Variants in CYP46A1 observed in about 807,000 individuals in gnomAD.
The protein encoded by CYP46A1 is cholesterol 24-hydroxylase.
A neutral mutation model predicts 63.3 loss-of-function variants in CYP46A1; 20 were observed. That is an observed-to-expected ratio of 0.32 (90% CI 0.22 to 0.46). The LOEUF (loss-of-function observed/expected upper bound fraction) is 0.46. CYP46A1 is among the 20% of genes least tolerant of loss of function. The pLI is 1.00. For missense variants in CYP46A1, 445 were observed against 670.8 expected, an observed-to-expected ratio of 0.66 and a Z score of 3.72; for synonymous variants, 268 against 273.6, an observed-to-expected ratio of 0.98 and a Z score of 0.20.
At position 99,687,893 on chromosome 14, in the gene CYP46A1, T is replaced by C. The variant is rs547167060; in HGVS notation, c.120-3188T>C. On this transcript the variant is annotated intron_variant, in intron 1 of 14. Coordinates refer to ENST00000261835, the MANE Select transcript of CYP46A1 (RefSeq NM_006668.2). ...AACAAGTCCCCATGTCTGGCCATGG[T>C]GTTAGCCTTACCTGCTTGTTTTTAA... 4.6e-5 allele frequency among the ~76,000 whole-genome samples: 7 copies of C among 152,210 alleles called. No individual in the cohort carries two copies. In the South Asian group the frequency reaches 1.4e-3, roughly 32 times the overall value.
chr14:99,687,860 C>CA lies in CYP46A1; in HGVS notation c.120-3221_120-3220insA, dbSNP rs1566824674. Among the ~76,000 whole-genome samples, 24 of 152,272 alleles carry CA rather than the reference C, an allele frequency of 1.6e-4. No individual in the cohort carries two copies. The East Asian group carries it at 3.9e-3, about 24-fold the overall frequency. On this transcript the variant is annotated intron_variant, in intron 1 of 14. Coordinates refer to ENST00000261835, the MANE Select transcript of CYP46A1 (RefSeq NM_006668.2). ...CCAAGTGGGCTTCTGCCTGCCGGGGCGCTGAGCAACAAGTCCCCATGTCTG... is the reference window on the plus strand; with the variant it reads ...CCAAGTGGGCTTCTGCCTGCCGGGGCAGCTGAGCAACAAGTCCCCATGTCTG...
At chr14:99,705,202 C>T (rs191324573) in intron 5 of CYP46A1, among the ~76,000 whole-genome samples, 6 of 152,284 alleles carry the variant, frequency 3.9e-5, no homozygotes, top group Admixed American at 6.5e-5. Flanking sequence ...AGTTTTTCTT[C>T]TCCCATTCTC....
At chr14:99,716,106 GCTGGGAA>G in intron 8 of CYP46A1, 24 bp from the exon 9 acceptor site, 1 of 1,614,040 alleles carries the variant, frequency 6.2e-7, no homozygotes, top group Non-Finnish European at 8.5e-7. Context: ...GCAAAGATTT[GCTGGGAA>G]CTGAGACTCT....
At chr14:99,690,987 T>C in intron 1 of CYP46A1, 94 bp from the exon 2 acceptor site, 2 of 1,205,604 alleles carry the variant, frequency 1.7e-6, no homozygotes, top group East Asian at 4.7e-5. Flanking sequence ...GGTCCTCCTG[T>C]CTGTGAAGTG....
chr14:99,720,482 C>T (rs1174609631), intron 10 of CYP46A1, among the ~76,000 whole-genome samples: 2 of 117,320 alleles, frequency 1.7e-5, no homozygotes, highest in African/African-American at 6.5e-5. Flanking sequence ...TTTTTTGAGA[C>T]GGAGTCTCGC....
chr14:99,694,371 C>CT (rs74872295), intron 3 of CYP46A1, among the ~76,000 whole-genome samples: 4,341 of 86,262 alleles, frequency 0.05, 217 homozygotes, highest in African/African-American at 0.16. Flanking sequence ...TTTGGGTTTT[C>CT]TTTTTTTTTT....
chr14:99,716,036 C>G (rs1478352449), intron 8 of CYP46A1, 76 bp downstream of exon 8: 1 of 1,607,694 alleles, frequency 6.2e-7, no homozygotes, highest in Non-Finnish European at 8.5e-7. Flanking sequence ...TCGCCACTGA[C>G]TCTGTTTGGC....
intron 2 of CYP46A1, 154 bp downstream of exon 2, chr14:99,691,315 G>A: frequency 1.4e-6 from 1 of 701,786 alleles, no homozygotes; most frequent in Non-Finnish European, 2.5e-6. Context: ...AGGCAGGTGA[G>A]GCTGGCTTGG....
At chr14:99,707,743 C>A (rs1368695319) in intron 7 of CYP46A1, 65 bp downstream of exon 7, 13 of 1,414,480 alleles carry the variant, frequency 9.2e-6, no homozygotes, top group Non-Finnish European at 1.3e-5. Context: ...TGCTGAAGAA[C>A]CTCCTTCAGT....
chr14:99,716,008 C>A, intron 8 of CYP46A1, 48 bp downstream of exon 8: 1 of 1,599,058 alleles, frequency 6.3e-7, no homozygotes, highest in Non-Finnish European at 8.5e-7. Context: ...TGGGCCAGGA[C>A]GTTCCCCAGG....
intron 7 of CYP46A1, chr14:99,709,671 C>T (rs1215628346): frequency 6.6e-6 from 1 of 152,048 alleles, no homozygotes; most frequent in African/African-American, 2.4e-5. Context: ...TATAGACATC[C>T]AGGTACAGGA....
Position 99,726,254 on chromosome 14 carries a change from C to G in CYP46A1, c.1330C>G (p.Gln444Glu), listed in dbSNP as rs1251116334. ...CTCCTGCATCGGGCAGCAGTTTGCT[C>G]AGGTAGGAGGGGCAGGGCTGTGGTT... Reference protein sequence around the residue: ...HRSCIGQQFAQMEVKVVMAKL... With the variant: ...HRSCIGQQFAEMEVKVVMAKL... Residue 444 changes from glutamine (Q) to glutamate (E), a missense_variant and splice_region_variant, in exon 14 of 15, where the codon CAG becomes GAG. By Grantham distance (29) the Gln-to-Glu change is conservative (BLOSUM62 2). Coordinates refer to ENST00000261835, the MANE Select transcript of CYP46A1 (RefSeq NM_006668.2). The G allele has an allele frequency of 6.2e-7, 1 of 1,613,460 alleles. No individual in the cohort carries two copies. The highest frequency in any genetic ancestry group is 1.7e-5 in the Admixed American group (1 of 60,006).
chr14:99,685,099 C>T (rs1458913593), intron 1 of CYP46A1, among the ~76,000 whole-genome samples: 934 of 4,896 alleles, frequency 0.19, 56 homozygotes, highest in Admixed American at 0.27. Context: ...CCCCCCCCCA[C>T]CCCCAGCTTA....
At chr14:99,686,924 C>A (rs2056499298) in intron 1 of CYP46A1, among the ~76,000 whole-genome samples, 1 of 152,170 alleles carries the variant, frequency 6.6e-6, no homozygotes, top group African/African-American at 2.4e-5. Flanking sequence ...TAGCAGAAAC[C>A]CGATGCCTTG....
intron 1 of CYP46A1, 34 bp downstream of exon 1, chr14:99,684,570 T>G (rs1243508248): frequency 2.8e-6 from 4 of 1,419,384 alleles, no homozygotes; most frequent in Non-Finnish European, 3.7e-6. Context: ...CTGGCTGGGG[T>G]GCTGGGACTG....
At chr14:99,688,809 CG>C (rs1208323196) in intron 1 of CYP46A1, among the ~76,000 whole-genome samples, 1 of 152,092 alleles carries the variant, frequency 6.6e-6, no homozygotes, top group Non-Finnish European at 1.5e-5. Context: ...GCTCGGTTCC[CG>C]GTGATCTCCA....
rs2056862091 is a variant in CYP46A1 at position 99,722,938 on chromosome 14, G to T, written c.1176+872G>T. The T allele has an allele frequency of 2.2e-6, 1 of 454,008 alleles. No homozygotes were observed. The highest frequency in any genetic ancestry group is 1.6e-5 in the South Asian group (1 of 64,420). The allele number at this position is 454,008 out of a possible 1,614,324, so 28.1% of individuals were successfully genotyped here. ...CATTTACCCAGAAGTGAGAGGGCTG[G>T]GTTGTAGGACCCCTGACTGTTCAGC... On this transcript the variant is annotated intron_variant, in intron 12 of 14. Transcript: ENST00000261835. This position sits in a 1 kb window ranked among gnomAD's most constrained non-coding sequence, Gnocchi z 4.6.
chr14:99,721,446 A>G, intron 11 of CYP46A1, 123 bp downstream of exon 11: 1 of 709,802 alleles, frequency 1.4e-6, no homozygotes, highest in Middle Eastern at 2.7e-4. Flanking sequence ...CCTCCCCCGG[A>G]AGATTTAAAG....
intron 12 of CYP46A1, among the ~76,000 whole-genome samples, chr14:99,723,433 C>G (rs1300964430): frequency 6.6e-6 from 1 of 152,164 alleles, no homozygotes; most frequent in Non-Finnish European, 1.5e-5. Flanking sequence ...CTCGGCCTCC[C>G]GAGTAGCTGG....
Sources: allele counts gnomAD v4.1 joint callset (sites outside exome capture counted in the v4.1 genomes callset), GRCh38; gene constraint gnomAD v4.1.1; non-coding constraint Gnocchi (gnomAD v3.1); transcripts MANE v1.5; gene names NCBI Gene and HGNC (gene_info 2026-07-23, HGNC 2026-07-21).